Variants in ZDHHC11B observed in about 807,000 individuals in gnomAD.
ZDHHC11B encodes probable palmitoyltransferase ZDHHC11B.
ZDHHC11B carries 17 observed loss-of-function variants against 42.3 expected under a neutral mutation model. The ratio of observed to expected loss-of-function variants is 0.40; its 90% CI spans 0.27 to 0.60. ZDHHC11B has a LOEUF of 0.60. Among genes scored for constraint, ZDHHC11B ranks in the 20% least tolerant of loss-of-function variants. The probability of loss-of-function intolerance (pLI) is 0.41; values close to 1 mark genes in which losing one functional copy is unlikely to be tolerated. For missense variants in ZDHHC11B, 262 were observed against 463.2 expected (o/e 0.57, Z 3.99); for synonymous variants, 123 against 193.5 (o/e 0.64, Z 3.02).
At chr5:754,708 G>T (rs1462616667) in intron 6 of ZDHHC11B, among the ~76,000 whole-genome samples, 1 of 110,720 alleles carries the variant, frequency 9.0e-6, no homozygotes, top group Non-Finnish European at 2.0e-5. Flanking sequence ...GCCCAGCCCA[G>T]GACAGCGTGG....
chr5:754,219 ACGTCTC>A lies in ZDHHC11B; in HGVS notation c.503+773_503+778del, dbSNP rs1746217010. Reference sequence around the variant, plus strand: ...AGCCTCCACCATGCTCAGGGGAAACACGTCTCATCTATGAGCCTCCACCGTGCTCAG... The same window carrying A: ...AGCCTCCACCATGCTCAGGGGAAACAATCTATGAGCCTCCACCGTGCTCAG... On this transcript the variant is annotated intron_variant, in intron 6 of 13. Coordinates refer to ENST00000508859, the MANE Select transcript of ZDHHC11B (RefSeq NM_001351303.2). Among the ~76,000 whole-genome samples, 79 of 97,682 alleles carry A rather than the reference ACGTCTC, an allele frequency of 8.1e-4. 1 individual carries two copies. The highest frequency in any genetic ancestry group is 2.2e-3 in the African/African-American group (64 of 28,998). 64.1% of individuals were successfully genotyped at this position (97,682 alleles called of 152,430 possible).
intron 4 of ZDHHC11B, among the ~76,000 whole-genome samples, chr5:763,713 C>T (rs370729): frequency 0.52 from 76,891 of 149,006 alleles, 15,885 homozygotes; most frequent in East Asian, 0.72. Context: ...GAAATGGCCA[C>T]ATGGATAAGA....
intron 12 of ZDHHC11B, among the ~76,000 whole-genome samples, chr5:728,271 A>C (rs2126992514): frequency 6.6e-6 from 1 of 152,128 alleles, no homozygotes; most frequent in African/African-American, 2.4e-5. Context: ...AAGAGTGAGG[A>C]AATTGAAGGA....
At chr5:772,434 T>A (rs1736137141) in intron 1 of ZDHHC11B, among the ~76,000 whole-genome samples, 1 of 151,726 alleles carries the variant, frequency 6.6e-6, no homozygotes, top group Non-Finnish European at 1.5e-5. Flanking sequence ...TGAGGAAAAA[T>A]GCTTCGGGCT....
At chr5:770,296 G>A (rs1357593107) in intron 1 of ZDHHC11B, among the ~76,000 whole-genome samples, 2 of 150,046 alleles carry the variant, frequency 1.3e-5, no homozygotes, top group Non-Finnish European at 3.0e-5. Context: ...TGCCCCGCAG[G>A]CACGCATGTC....
intron 8 of ZDHHC11B, among the ~76,000 whole-genome samples, chr5:746,941 G>A (rs1744914794): frequency 8.0e-6 from 1 of 124,900 alleles, no homozygotes; most frequent in Non-Finnish European, 1.7e-5. Context: ...TTCTCCTGTT[G>A]TGGGGGGACT....
chr5:717,367 T>C (rs1308782151), intron 12 of ZDHHC11B, among the ~76,000 whole-genome samples: 1 of 151,746 alleles, frequency 6.6e-6, no homozygotes, highest in African/African-American at 2.4e-5. Context: ...TGATTGTTTA[T>C]GTGTGCTGGG....
rs555188227 is a variant in ZDHHC11B at position 712,034 on chromosome 5, T to G, written c.*256A>C. On this transcript the variant is annotated 3_prime_UTR_variant, in exon 14 of 14. Coordinates refer to ENST00000508859, the MANE Select transcript of ZDHHC11B (RefSeq NM_001351303.2). ...TGCTGGCAGCCCATCTTCCTGGAGATGTAAACCCTCCTGCAAGGCTGGCTC... is the reference window on the plus strand; with the variant it reads ...TGCTGGCAGCCCATCTTCCTGGAGAGGTAAACCCTCCTGCAAGGCTGGCTC... The G allele has an allele frequency of 8.1e-6, 1 of 123,228 alleles. No homozygotes were observed. The highest frequency in any genetic ancestry group is 2.3e-4 in the East Asian group (1 of 4,420). 7.6% of individuals were successfully genotyped at this position (123,228 alleles called of 1,614,324 possible).
intron 12 of ZDHHC11B, among the ~76,000 whole-genome samples, chr5:719,476 T>G (rs1742020406): frequency 6.6e-6 from 1 of 151,304 alleles, no homozygotes; most frequent in Non-Finnish European, 1.5e-5. Flanking sequence ...GAGATAGAAA[T>G]TATATATTTT....
intron 12 of ZDHHC11B, among the ~76,000 whole-genome samples, chr5:721,557 G>A (rs1236199567): frequency 1.2e-4 from 18 of 151,352 alleles, no homozygotes; most frequent in African/African-American, 3.4e-4. Context: ...AGGGTGAGGA[G>A]CGAGGATGGG....
At chr5:777,158 T>C (rs1039324837) in intron 1 of ZDHHC11B, among the ~76,000 whole-genome samples, 4 of 151,904 alleles carry the variant, frequency 2.6e-5, no homozygotes, top group Non-Finnish European at 5.9e-5. Context: ...CAGATGCGTC[T>C]GGAGTTTCTT....
chr5:716,409 G>A (rs1315570483), intron 13 of ZDHHC11B, among the ~76,000 whole-genome samples: 2 of 151,794 alleles, frequency 1.3e-5, no homozygotes, highest in Non-Finnish European at 2.9e-5. Context: ...GCAGAAAGCA[G>A]GGATAGGTAG....
At chr5:714,450 T>G (rs1449647694) in intron 13 of ZDHHC11B, among the ~76,000 whole-genome samples, 95 of 142,464 alleles carry the variant, frequency 6.7e-4, no homozygotes, top group African/African-American at 2.6e-3. Flanking sequence ...CTCTAAGACG[T>G]TATCACAGCG....
rs772536657 is a variant in ZDHHC11B, at chr5:745,814, T to A, written c.785-516A>T. On this transcript the variant is annotated intron_variant, in intron 8 of 13. Transcript: ENST00000508859. ...ACCCCACAGTCGGAGGACCACGCAGTGGGGCGACCACCCCGAGGTGCTGGC... is the reference window on the plus strand; with the variant it reads ...ACCCCACAGTCGGAGGACCACGCAGAGGGGCGACCACCCCGAGGTGCTGGC... Among the ~76,000 whole-genome samples the A allele has an allele frequency of 2.7e-5, 4 of 149,778 alleles. 1 individual carries two copies. The highest frequency in any genetic ancestry group is 5.9e-5 in the Non-Finnish European group (4 of 67,576).
At chr5:742,915 G>C (rs1293523508) in intron 9 of ZDHHC11B, among the ~76,000 whole-genome samples, 27 of 149,444 alleles carry the variant, frequency 1.8e-4, no homozygotes, top group Non-Finnish European at 3.3e-4. Context: ...TCTCACTAAA[G>C]ATCACAGAGA....
At chr5:717,280 GT>G (rs1482643638) in intron 12 of ZDHHC11B, among the ~76,000 whole-genome samples, 1 of 151,632 alleles carries the variant, frequency 6.6e-6, no homozygotes, top group Non-Finnish European at 1.5e-5. Flanking sequence ...AGCCTTAAGT[GT>G]TTTTATACCC....
rs781437969 is a variant in ZDHHC11B at position 745,299 on chromosome 5, C to A, written c.785-1G>T. The A allele has an allele frequency of 6.2e-7, 1 of 1,603,910 alleles. No individual in the cohort carries two copies. The highest frequency in any genetic ancestry group is 1.3e-5 in the African/African-American group (1 of 74,386). On this transcript the variant is annotated splice_acceptor_variant, in intron 8 of 13. Transcript: ENST00000508859. LOFTEE classifies it high-confidence loss of function. ...TCAAAGGTGGTCATCTTCTTGGCCTCTGGAAAGGGAAAAGGAGGAACAGGA... is the reference window on the plus strand; with the variant it reads ...TCAAAGGTGGTCATCTTCTTGGCCTATGGAAAGGGAAAAGGAGGAACAGGA...
intron 1 of ZDHHC11B, among the ~76,000 whole-genome samples, chr5:777,991 G>A (rs913326227): frequency 5.9e-5 from 9 of 151,908 alleles, no homozygotes; most frequent in Non-Finnish European, 1.0e-4. Flanking sequence ...GAGGCCCCGC[G>A]AGAATTTGAG....
At chr5:718,852 T>A (rs1438326032) in intron 12 of ZDHHC11B, among the ~76,000 whole-genome samples, 1 of 151,598 alleles carries the variant, frequency 6.6e-6, no homozygotes, top group Non-Finnish European at 1.5e-5. Context: ...GATGTCAGAG[T>A]GAGCGTCAGG....
Sources: gnomAD v4.1 joint callset for allele counts (sites outside exome capture counted in the v4.1 genomes callset) on GRCh38, gnomAD v4.1.1 for gene constraint, MANE v1.5 for transcripts, NCBI Gene and HGNC (gene_info 2026-07-23, HGNC 2026-07-21) for gene names.